Variants in PKD1L3 observed in about 807,000 individuals in gnomAD.
PKD1L3 encodes the protein polycystin-1-like protein 3.
Under a neutral mutation model 184.1 loss-of-function variants are expected in PKD1L3, and 239 were observed. The ratio of observed to expected loss-of-function variants is 1.30; its 90% CI spans 1.17 to 1.45. The LOEUF (loss-of-function observed/expected upper bound fraction) is 1.45, where lower values mean the gene tolerates loss of function less well. Among genes scored for constraint, PKD1L3 ranks in the 40% most tolerant of loss-of-function variants. The pLI is 0.00. For synonymous variants in PKD1L3, 996 were observed against 778.8 expected (o/e 1.28, Z -4.64); for missense variants, 2,660 against 2,067.2 (o/e 1.29, Z -5.56).
intron 18 of PKD1L3, 81 bp from the exon 19 acceptor site, chr16:71,951,825 T>C (rs1205910476): frequency 1.6e-5 from 21 of 1,292,724 alleles, no homozygotes; most frequent in Non-Finnish European, 2.2e-5. Context: ...GGTAAGGCCG[T>C]TCCCTTTCGT....
At chr16:71,951,418 C>T (rs1023464452) in intron 19 of PKD1L3, 146 bp downstream of exon 19, 4 of 738,064 alleles carry the variant, frequency 5.4e-6, no homozygotes, top group Non-Finnish European at 8.6e-6. Context: ...ACAAAGCTAT[C>T]AACTCTATAC....
At chr16:71,930,262 T>G (rs1428874019) in intron 28 of PKD1L3, 79 bp from the exon 29 acceptor site, 4 of 1,366,792 alleles carry the variant, frequency 2.9e-6, no homozygotes, top group African/African-American at 1.5e-5. Context: ...TGCTAGTGTT[T>G]GGGATCTTAT....
intron 12 of PKD1L3, among the ~76,000 whole-genome samples, chr16:71,972,577 G>T (rs900846314): frequency 1.3e-5 from 2 of 152,040 alleles, no homozygotes; most frequent in South Asian, 2.1e-4. Flanking sequence ...CTCATTACTT[G>T]AAAGTTTGAG....
Position 71,998,593 on chromosome 16 carries a change from G to C in PKD1L3, c.296-199C>G, listed in dbSNP as rs536506373. On this transcript the variant is annotated intron_variant, in intron 1 of 29. Transcript: ENST00000620267. The stretch of plus-strand genomic sequence containing the variant: ...AGCCTCCCAAGTAGCTGGGATTACA[G>C]GCACCCGCCACCACGCCCAGCTAAT... Among the ~76,000 whole-genome samples, 14 of 152,288 alleles carry C rather than the reference G, an allele frequency of 9.2e-5. No homozygotes were observed. In the East Asian group the frequency reaches 2.7e-3, roughly 29 times the overall value.
In PKD1L3 at chr16:71,967,174, G is replaced by A. The variant is rs376769965; in HGVS notation, c.2428C>T (p.Arg810Trp). Residue 810 changes from arginine (R) to tryptophan (W), a missense_variant, in exon 15 of 30, where the codon CGG becomes TGG. By Grantham distance (101) the Arg-to-Trp change is moderately radical. Transcript: ENST00000620267. Reference sequence around the variant, plus strand: ...ACGCCAGAATTGTCATGCCAGAGCCGAAGGCTGTGCAGGTTCCCTAGAGAG... The same window carrying A: ...ACGCCAGAATTGTCATGCCAGAGCCAAAGGCTGTGCAGGTTCCCTAGAGAG... The part of the protein sequence containing the change: ...WTSLGNLHSL[R>W]LWHDNSGVSP... 2.3e-5 allele frequency: 35 copies of A among 1,551,576 alleles called. 1 individual carries two copies. Among genetic ancestry groups the A allele is most frequent in the East Asian group, 1.2e-4 (5 of 40,930 alleles).
Position 71,950,327 on chromosome 16 carries a change from A to G in PKD1L3, c.3191-17T>C, listed in dbSNP as rs756388134. The G allele has an allele frequency of 6.6e-6, 10 of 1,503,820 alleles. No homozygotes were observed. Among genetic ancestry groups the G allele is most frequent in the Non-Finnish European group, 8.9e-6 (10 of 1,119,266 alleles). The allele number at this position is 1,503,820 out of a possible 1,614,324, so 93.2% of individuals were successfully genotyped here. ...CAGGAACAACTGAAAATATATTTCA[A>G]GTTGACACTTTCACAAGTGGATTTC... is the stretch of plus-strand genomic sequence containing the variant. On this transcript the variant is annotated splice_polypyrimidine_tract_variant and intron_variant, in intron 19 of 29. Coordinates refer to ENST00000620267, the MANE Select transcript of PKD1L3 (RefSeq NM_181536.2).
chr16:71,949,815 G>C lies in PKD1L3; in HGVS notation c.3586C>G (p.Leu1196Val), dbSNP rs1394117418. The change falls in exon 21 of 30, where the codon CTT becomes GTT. Residue 1196 changes from leucine (L) to valine (V), a missense_variant. Leu to Val is a conservative substitution (Grantham distance 32). Transcript: ENST00000620267. ...GGCTGGCTGATGAAGATGTTCTGAAGCACTGATAAAATAATTGAAATCATC... is the reference window on the plus strand; with the variant it reads ...GGCTGGCTGATGAAGATGTTCTGAACCACTGATAAAATAATTGAAATCATC... ...SWMISIILSV[L>V]QNIFISQPVK... 11 of 1,551,026 alleles carry C rather than the reference G, an allele frequency of 7.1e-6. No homozygotes were observed. Among genetic ancestry groups the C allele is most frequent in the Non-Finnish European group, 8.7e-6 (10 of 1,146,920 alleles).
At chr16:71,992,655 C>A (rs11075912) in intron 3 of PKD1L3, among the ~76,000 whole-genome samples, 12,791 of 152,186 alleles carry the variant, frequency 0.084, 729 homozygotes, top group Middle Eastern at 0.13. Context: ...AATATATATT[C>A]ATGTCTCTAA....
At chr16:71,950,682 C>G (rs1407097621) in intron 19 of PKD1L3, among the ~76,000 whole-genome samples, 1 of 150,818 alleles carries the variant, frequency 6.6e-6, no homozygotes, top group Non-Finnish European at 1.5e-5. Flanking sequence ...CAGCCTTTGA[C>G]AAAGCAGAAA....
chr16:71,987,097 G>T (rs1051009016), intron 4 of PKD1L3, among the ~76,000 whole-genome samples: 18 of 149,526 alleles, frequency 1.2e-4, no homozygotes, highest in African/African-American at 4.5e-4. Context: ...GCTAATTTTT[G>T]TATTTTTAGT....
At chr16:71,993,377 T>C in intron 2 of PKD1L3, 45 bp from the exon 3 acceptor site, 2 of 1,233,014 alleles carry the variant, frequency 1.6e-6, no homozygotes, top group Non-Finnish European at 2.3e-6. Flanking sequence ...GTTATAGCTA[T>C]GGCTACAAGT....
At chr16:71,969,056 G>A (rs943659247) in intron 13 of PKD1L3, among the ~76,000 whole-genome samples, 14 of 151,554 alleles carry the variant, frequency 9.2e-5, no homozygotes, top group African/African-American at 2.2e-4. Flanking sequence ...TCAGCCTCCC[G>A]AGCAGCTGGG....
At position 71,933,903 on chromosome 16, in the gene PKD1L3, G is replaced by GGCAA; in HGVS notation, c.4824+11_4824+12insTTGC. 1 of 1,549,276 alleles carries GGCAA rather than the reference G, an allele frequency of 6.5e-7. No individual in the cohort carries two copies. Among genetic ancestry groups the GGCAA allele is most frequent in the Non-Finnish European group, 8.7e-7 (1 of 1,145,264 alleles). ...CACACGGAGAAGGAGAGACAGCAAC[G>GGCAA]TGGGGGCTTACGGCAATGGCATAGC... On this transcript the variant is annotated intron_variant, in intron 27 of 29. Coordinates refer to ENST00000620267, the MANE Select transcript of PKD1L3 (RefSeq NM_181536.2).
At chr16:71,988,358 C>A (rs1025067746) in intron 4 of PKD1L3, among the ~76,000 whole-genome samples, 1 of 152,176 alleles carries the variant, frequency 6.6e-6, no homozygotes, top group African/African-American at 2.4e-5. Context: ...TCACACCCGG[C>A]TAATTTTCAT....
Position 71,969,974 on chromosome 16 carries a change from G to A in PKD1L3, c.2085C>T (p.Thr695=). ...GCAGTGACACCCCAACAGGATTGTTGGTCACGCGAAGGAACAGTTTGATCG... is the reference window on the plus strand; with the variant it reads ...GCAGTGACACCCCAACAGGATTGTTAGTCACGCGAAGGAACAGTTTGATCG... ...EDTIKLFLRV[T]NNPVGVSLLA... is the part of the protein sequence containing the mutation. The change falls in exon 13 of 30, where the codon ACC becomes ACT. Residue 695 remains threonine, a synonymous_variant. Transcript: ENST00000620267. The A allele has an allele frequency of 6.4e-7, 1 of 1,551,728 alleles. No individual in the cohort carries two copies. Among genetic ancestry groups the A allele is most frequent in the Non-Finnish European group, 8.7e-7 (1 of 1,147,016 alleles).
chr16:71,962,047 T>C (rs12149869), intron 16 of PKD1L3, among the ~76,000 whole-genome samples: 40,955 of 152,024 alleles, frequency 0.27, 5,762 homozygotes, highest in South Asian at 0.41. Context: ...GATTCAGCCT[T>C]CCAAGTAGCT....
At chr16:71,943,366 C>T (rs545559075) in intron 23 of PKD1L3, among the ~76,000 whole-genome samples, 1 of 151,612 alleles carries the variant, frequency 6.6e-6, no homozygotes, top group African/African-American at 2.4e-5. Context: ...GTAAAACCCC[C>T]CCATCTACTA....
At position 71,984,178 on chromosome 16, in the gene PKD1L3, C is replaced by A. The variant is rs1422249525; in HGVS notation, c.835-11G>T. ...TATCTCATCTATGACCTATTGGGAACAAAGAAGTTGTCAAAATTACTCATA... is the reference window on the plus strand; with the variant it reads ...TATCTCATCTATGACCTATTGGGAAAAAAGAAGTTGTCAAAATTACTCATA... On this transcript the variant is annotated splice_polypyrimidine_tract_variant and intron_variant, in intron 5 of 29. Transcript: ENST00000620267. The A allele has an allele frequency of 6.5e-7, 1 of 1,550,268 alleles. No individual in the cohort carries two copies. The highest frequency in any genetic ancestry group is 8.7e-7 in the Non-Finnish European group (1 of 1,146,134).
In PKD1L3 at chr16:71,947,606, C is replaced by T. The variant is rs376991595; in HGVS notation, c.3619-15G>A. ...AAGAAGACCACCTGGGCAGGAGAAT[C>T]ACAGAACATCGTGAGCAGACATTAC... On this transcript the variant is annotated splice_polypyrimidine_tract_variant and intron_variant, in intron 21 of 29. Coordinates refer to ENST00000620267, the MANE Select transcript of PKD1L3 (RefSeq NM_181536.2). The T allele has an allele frequency of 1.5e-5, 22 of 1,477,786 alleles. No homozygotes were observed. The East Asian group carries it at 3.0e-4, about 20-fold the overall frequency. The allele number at this position is 1,477,786 out of a possible 1,614,324, so 91.5% of individuals were successfully genotyped here. A position where few individuals can be genotyped will look rare whatever the true frequency, so the allele number is the denominator to read the frequency against.
Sources: allele counts gnomAD v4.1 joint callset (sites outside exome capture counted in the v4.1 genomes callset), GRCh38; gene constraint gnomAD v4.1.1; transcripts MANE v1.5; gene names NCBI Gene and HGNC (gene_info 2026-07-23, HGNC 2026-07-21).